The following KMO variants were observed in gnomAD, a reference collection of about 807,000 sequenced individuals.
KMO encodes kynurenine 3-monooxygenase.
KMO carries 24 observed loss-of-function variants against 57.8 expected under a neutral mutation model. That is an observed-to-expected ratio of 0.42 (90% CI 0.30 to 0.58). The LOEUF (loss-of-function observed/expected upper bound fraction) is 0.58, where lower values mean the gene tolerates loss of function less well. KMO is among the 20% of genes least tolerant of loss of function. The pLI is 0.22. For synonymous variants in KMO, 210 were observed against 193.6 expected (o/e 1.08, Z -0.70); for missense variants, 483 against 588.2 (o/e 0.82, Z 1.85).
intron 3 of KMO, 108 bp from the exon 4 acceptor site, chr1:241,550,847 A>C (rs1048440643): frequency 1.8e-5 from 11 of 601,198 alleles, no homozygotes; most frequent in African/African-American, 1.5e-4. Flanking sequence ...CACAATTTTT[A>C]AAATTTCTTG....
At chr1:241,571,904 G>C (rs995973972) in intron 10 of KMO, among the ~76,000 whole-genome samples, 16 of 114,596 alleles carry the variant, frequency 1.4e-4, no homozygotes, top group African/African-American at 5.0e-4. Context: ...GTCTCGCTCT[G>C]TTGCCAGGCT....
intron 9 of KMO, 144 bp from the exon 10 acceptor site, chr1:241,568,356 C>A: frequency 4.0e-6 from 3 of 742,022 alleles, no homozygotes; most frequent in East Asian, 2.7e-5. Flanking sequence ...GGAAAAACTT[C>A]AGTTTTTCCC....
intron 4 of KMO, 90 bp from the exon 5 acceptor site, chr1:241,555,522 A>G: frequency 2.8e-6 from 2 of 702,086 alleles, no homozygotes; most frequent in Non-Finnish European, 4.9e-6. Flanking sequence ...CTGCTAAATA[A>G]TAAATATGTT....
At chr1:241,540,672 C>T (rs1660926739) in intron 1 of KMO, among the ~76,000 whole-genome samples, 2 of 151,936 alleles carry the variant, frequency 1.3e-5, no homozygotes, top group African/African-American at 4.8e-5. Flanking sequence ...ATGTAAGAAT[C>T]CATTATGTCA....
At chr1:241,586,637 T>C (rs1202502864) in intron 10 of KMO, 42 bp from the exon 11 acceptor site, 1 of 1,303,202 alleles carries the variant, frequency 7.7e-7, no homozygotes, top group Non-Finnish European at 1.1e-6. Context: ...TTCTTTTTTA[T>C]TATTTCTAGT....
rs779261959 is a variant in KMO at position 241,532,485 on chromosome 1, T to C, written c.41T>C (p.Ile14Thr). ...SVIQRKKVAV[I>T]GGGLVGSLQA... ...ATTCAAAGGAAAAAAGTAGCTGTCA[T>C]TGGTGGTGGCTTGGTAAGAATTTTC... Residue 14 changes from isoleucine to threonine, a missense_variant, in exon 1 of 15, where the codon ATT becomes ACT. By Grantham distance (89) the Ile-to-Thr change is moderately conservative (BLOSUM62 -1). This residue lies in a region of KMO where 70 missense variants were observed against 78.4 expected (regional missense o/e 0.89). Coordinates refer to ENST00000366559, the MANE Select transcript of KMO (RefSeq NM_003679.5). 6.2e-7 allele frequency: 1 copy of C among 1,609,740 alleles called. No homozygotes were observed. Among genetic ancestry groups the C allele is most frequent in the East Asian group, 2.2e-5 (1 of 44,648 alleles).
At chr1:241,549,252 A>AGTAAGTCG (rs142921245) in intron 2 of KMO, among the ~76,000 whole-genome samples, 1,709 of 17,380 alleles carry the variant, frequency 0.098, 123 homozygotes, top group Middle Eastern at 0.23. Flanking sequence ...AAAGAAAGAA[A>AGTAAGTCG]GAAAGAAAGA....
chr1:241,562,769 G>A (rs61825642), intron 7 of KMO, among the ~76,000 whole-genome samples: 7 of 151,868 alleles, frequency 4.6e-5, no homozygotes, highest in Admixed American at 4.6e-4. Context: ...AGCCCAGGAG[G>A]TCAAGGCTGC....
intron 14 of KMO, among the ~76,000 whole-genome samples, chr1:241,590,536 A>G (rs1483230162): frequency 1.3e-5 from 2 of 152,240 alleles, no homozygotes; most frequent in East Asian, 1.9e-4. Context: ...AGCAAGATGT[A>G]CTGTTCTTGA....
intron 1 of KMO, among the ~76,000 whole-genome samples, chr1:241,546,316 C>T (rs924680611): frequency 2.0e-5 from 3 of 152,200 alleles, no homozygotes; most frequent in Admixed American, 1.3e-4. Flanking sequence ...TCCTCAGCCT[C>T]TCTTGCATTT....
intron 7 of KMO, among the ~76,000 whole-genome samples, chr1:241,562,905 AGG>A (rs1558421375): frequency 1.1e-3 from 47 of 41,998 alleles, no homozygotes; most frequent in African/African-American, 4.2e-3. Flanking sequence ...GAAGGAAGGA[AGG>A]AAGGAAGGAA....
At chr1:241,577,587 T>C (rs1662570293) in intron 10 of KMO, among the ~76,000 whole-genome samples, 1 of 152,154 alleles carries the variant, frequency 6.6e-6, no homozygotes. Context: ...GTGCTTGGTG[T>C]GTGTACAAGT....
At position 241,562,210 on chromosome 1, in the gene KMO, G is replaced by A. The variant is rs1162363363; in HGVS notation, c.493G>A (p.Gly165Arg). ...AGATGTCACTTGTGACCTCATTGTA[G>A]GATGTGATGGAGCCTATTCAACTGT... ...PKDVTCDLIV[G>R]CDGAYSTVRS... Residue 165 changes from glycine to arginine, a missense_variant, in exon 7 of 15, where the codon GGA becomes AGA. Gly to Arg is a moderately radical substitution (Grantham distance 125, BLOSUM62 -2). Around this residue, in one of 3 missense-constraint regions of KMO, gnomAD observed 410 missense variants for 492.3 expected, o/e 0.83. Coordinates refer to ENST00000366559, the MANE Select transcript of KMO (RefSeq NM_003679.5). 2 of 1,614,008 alleles carry A rather than the reference G, an allele frequency of 1.2e-6. No individual in the cohort carries two copies. Among genetic ancestry groups the A allele is most frequent in the Non-Finnish European group, 1.7e-6 (2 of 1,180,002 alleles).
chr1:241,571,187 T>C (rs1662265384), intron 10 of KMO, among the ~76,000 whole-genome samples: 1 of 22,970 alleles, frequency 4.4e-5, no homozygotes, highest in African/African-American at 1.1e-4. Context: ...GGTGGAGTCT[T>C]TAGGTTTTTG....
chr1:241,577,630 A>G (rs1015592163), intron 10 of KMO, among the ~76,000 whole-genome samples: 19 of 151,952 alleles, frequency 1.3e-4, no homozygotes, highest in African/African-American at 4.4e-4. Flanking sequence ...AATGGTAGAG[A>G]TATTTTGAGG....
chr1:241,549,264 A>AGTCG (rs779503814), intron 2 of KMO, among the ~76,000 whole-genome samples: 17,128 of 135,742 alleles, frequency 0.13, 2,663 homozygotes, highest in East Asian at 0.18. Flanking sequence ...AAAGAAAGAA[A>AGTCG]GAAAGGAAGG....
At chr1:241,534,536 G>A (rs965893300) in intron 1 of KMO, among the ~76,000 whole-genome samples, 1 of 152,194 alleles carries the variant, frequency 6.6e-6, no homozygotes, top group Admixed American at 6.5e-5. Flanking sequence ...CCATGCTTAC[G>A]CATCATGTTT....
At chr1:241,568,422 T>C (rs1286990315) in intron 9 of KMO, 78 bp from the exon 10 acceptor site, 2 of 1,403,280 alleles carry the variant, frequency 1.4e-6, no homozygotes, top group African/African-American at 2.9e-5. Flanking sequence ...TGATAGTTAA[T>C]TTAGTAAACC....
intron 5 of KMO, chr1:241,555,896 G>A (rs1661601450): frequency 2.8e-6 from 1 of 363,226 alleles, no homozygotes; most frequent in Non-Finnish European, 5.0e-6. Flanking sequence ...GACCCGCCTG[G>A]GCAACATGGA....
Sources: gnomAD v4.1 joint callset for allele counts (sites outside exome capture counted in the v4.1 genomes callset) on GRCh38, gnomAD v4.1.1 for gene constraint, gnomAD v4.1.1 regional missense constraint, MANE v1.5 for transcripts, NCBI Gene and HGNC (gene_info 2026-07-23, HGNC 2026-07-21) for gene names.